Variants in CHRDL1 observed in about 807,000 individuals in gnomAD.
CHRDL1 encodes the protein chordin-like protein 1.
In CHRDL1, 19 loss-of-function variants were observed where a neutral mutation model predicts 40.9. The observed-to-expected ratio is 0.46, with a 90% CI of 0.32 to 0.68. The LOEUF is 0.68. CHRDL1 is among the 30% of genes least tolerant of loss of function. The pLI is 0.03. For missense variants in CHRDL1, 329 were observed against 352.1 expected, an observed-to-expected ratio of 0.93 and a Z score of 0.53; for synonymous variants, 136 against 123.4, an observed-to-expected ratio of 1.10 and a Z score of -0.68.
chrX:110,688,401 T>C (rs1395761703), intron 9 of CHRDL1, among the ~76,000 whole-genome samples, 193 bp downstream of exon 9: 1 of 111,931 alleles, frequency 8.9e-6, no homozygotes, highest in Admixed American at 9.5e-5. Flanking sequence ...CACAAGCATA[T>C]TTCTGGGTAG....
At chrX:110,677,728 T>C (rs1270881311) in intron 11 of CHRDL1, among the ~76,000 whole-genome samples, 1 of 112,090 alleles carries the variant, frequency 8.9e-6, no homozygotes, top group Non-Finnish European at 1.9e-5. Flanking sequence ...AGCAACTGAC[T>C]GCCTTGGCTC....
At chrX:110,770,858 A>C in intron 2 of CHRDL1, among the ~76,000 whole-genome samples, 1 of 112,203 alleles carries the variant, frequency 8.9e-6, no homozygotes, top group East Asian at 2.8e-4. Context: ...AGAGATAATT[A>C]ACCTGAGACT....
At chrX:110,681,706 T>G (rs917848432) in intron 9 of CHRDL1, 57 bp from the exon 10 acceptor site, 27 of 894,987 alleles carry the variant, frequency 3.0e-5, no homozygotes, top group Admixed American at 7.5e-5. Context: ...AGAAGTGAAC[T>G]TCTGCATTTA....
intron 6 of CHRDL1, among the ~76,000 whole-genome samples, chrX:110,714,547 G>A (rs1442978247): frequency 9.0e-6 from 1 of 111,339 alleles, no homozygotes; most frequent in Non-Finnish European, 1.9e-5. Flanking sequence ...GTGGCTGTTT[G>A]CACTATGCTT....
At chrX:110,782,187 T>C (rs1297477435) in intron 2 of CHRDL1, among the ~76,000 whole-genome samples, 1 of 112,057 alleles carries the variant, frequency 8.9e-6, no homozygotes, top group African/African-American at 3.2e-5. Flanking sequence ...TTGTTGAGCA[T>C]TTCCTATGAG....
chrX:110,730,437 C>G (rs764380673), intron 4 of CHRDL1, among the ~76,000 whole-genome samples: 53 of 111,472 alleles, frequency 4.8e-4, no homozygotes, highest in African/African-American at 1.5e-3. Flanking sequence ...CACATAGACT[C>G]TACTTTGGAC....
intron 9 of CHRDL1, among the ~76,000 whole-genome samples, chrX:110,682,144 C>T (rs1284969517): frequency 8.9e-6 from 1 of 112,191 alleles, no homozygotes; most frequent in Non-Finnish European, 1.9e-5. Flanking sequence ...AGAAAACATT[C>T]ATGACACTCA....
intron 11 of CHRDL1, among the ~76,000 whole-genome samples, chrX:110,677,044 C>A (rs1344210977): frequency 9.0e-6 from 1 of 110,715 alleles, no homozygotes; most frequent in East Asian, 2.9e-4. Flanking sequence ...TCTCTGCCCA[C>A]CCTGGATACT....
At chrX:110,703,804 G>A (rs1288105983) in intron 6 of CHRDL1, among the ~76,000 whole-genome samples, 1 of 112,046 alleles carries the variant, frequency 8.9e-6, no homozygotes, top group Non-Finnish European at 1.9e-5. Flanking sequence ...ACAGTGATAA[G>A]GGCAGAGAGT....
intron 2 of CHRDL1, among the ~76,000 whole-genome samples, chrX:110,791,443 C>A (rs1181092264): frequency 8.9e-6 from 1 of 111,748 alleles, no homozygotes; most frequent in East Asian, 2.8e-4. Flanking sequence ...CCCGCCCCCA[C>A]TTCCTGCCAC....
intron 2 of CHRDL1, among the ~76,000 whole-genome samples, chrX:110,763,829 C>T (rs148756533): frequency 0.024 from 2,702 of 111,637 alleles, 39 homozygotes; most frequent in Middle Eastern, 0.046. Context: ...TTTTCCATAG[C>T]GGATGTACTA....
intron 2 of CHRDL1, among the ~76,000 whole-genome samples, chrX:110,769,329 C>T (rs2089715109): frequency 8.9e-6 from 1 of 112,194 alleles, no homozygotes. Context: ...CAGTCCAGTG[C>T]AGATTTTCCT....
intron 6 of CHRDL1, among the ~76,000 whole-genome samples, chrX:110,706,142 G>A (rs962489452): frequency 3.6e-5 from 4 of 110,677 alleles, no homozygotes; most frequent in African/African-American, 6.6e-5. Context: ...AAAAAAAGTA[G>A]GCACCAATAC....
At chrX:110,685,886 A>ATTTTT (rs72389100) in intron 9 of CHRDL1, among the ~76,000 whole-genome samples, 217 of 82,723 alleles carry the variant, frequency 2.6e-3, no homozygotes, top group African/African-American at 1.0e-2. Flanking sequence ...TTTTTAGCCA[A>ATTTTT]TTTTTTTTTT....
chrX:110,695,806 T>C (rs2070374990), intron 7 of CHRDL1, among the ~76,000 whole-genome samples: 1 of 112,008 alleles, frequency 8.9e-6, no homozygotes. Context: ...GGGCCACTGG[T>C]AGGGGAAAGG....
chrX:110,693,612 C>A (rs999101048), intron 8 of CHRDL1, among the ~76,000 whole-genome samples: 1 of 111,154 alleles, frequency 9.0e-6, no homozygotes, highest in Non-Finnish European at 1.9e-5. Flanking sequence ...GCCTCGACCT[C>A]CCAAAGTGCT....
chrX:110,744,483 A>G (rs1240778563), intron 4 of CHRDL1, among the ~76,000 whole-genome samples: 1 of 111,196 alleles, frequency 9.0e-6, no homozygotes, highest in Non-Finnish European at 1.9e-5. Context: ...GTTGCTATAC[A>G]TGAGGACAGA....
chrX:110,774,445 T>C (rs768915282), intron 2 of CHRDL1, among the ~76,000 whole-genome samples: 32 of 108,014 alleles, frequency 3.0e-4, no homozygotes, highest in Non-Finnish European at 5.6e-4. Flanking sequence ...TGTGGTATCT[T>C]TTTTTTTTTA....
At chrX:110,754,073 C>T (rs1403976927) in intron 4 of CHRDL1, among the ~76,000 whole-genome samples, 1 of 112,318 alleles carries the variant, frequency 8.9e-6, no homozygotes, top group Non-Finnish European at 1.9e-5. Flanking sequence ...GCCATTTGCC[C>T]TACATTCTTC....
Sources: gnomAD v4.1 joint callset for allele counts (sites outside exome capture counted in the v4.1 genomes callset) on GRCh38, gnomAD v4.1.1 for gene constraint, MANE v1.5 for transcripts, NCBI Gene and HGNC (gene_info 2026-07-23, HGNC 2026-07-21) for gene names.